Variants in GLMN observed in about 807,000 individuals in gnomAD.
GLMN encodes glomulin, FKBP associated protein.
In GLMN, 75 loss-of-function variants were observed where a neutral mutation model predicts 87.8. The observed-to-expected ratio is 0.85, with a 90% CI of 0.71 to 1.04. The LOEUF is 1.04. Ranked by LOEUF, GLMN falls within the 50% of genes least tolerant of loss-of-function variation. The probability of loss-of-function intolerance (pLI) is 0.00; values close to 1 mark genes in which losing one functional copy is unlikely to be tolerated. For synonymous variants in GLMN, 206 were observed against 221.6 expected (o/e 0.93, Z 0.63); for missense variants, 588 against 658.8 (o/e 0.89, Z 1.18).
chr1:92,306,506 T>C, the GLMN span, among the ~76,000 whole-genome samples: 1 of 152,200 alleles, frequency 6.6e-6, no homozygotes, highest in Non-Finnish European at 1.5e-5. Flanking sequence ...CAATGGAATG[T>C]AGTACACAGT....
At chr1:92,289,683 A>G (rs1050531395) in intron 5 of GLMN, among the ~76,000 whole-genome samples, 1 of 152,210 alleles carries the variant, frequency 6.6e-6, no homozygotes, top group African/African-American at 2.4e-5. Context: ...GCTAAGACCC[A>G]TTACCTACCA....
At chr1:92,315,900 C>T in the GLMN span, among the ~76,000 whole-genome samples, 23 of 152,126 alleles carry the variant, frequency 1.5e-4, no homozygotes, top group Non-Finnish European at 1.8e-4. Flanking sequence ...TGGGTCGTGA[C>T]GCACTGTGAT....
chr1:92,329,611 G>A, the GLMN span, among the ~76,000 whole-genome samples: 1 of 152,152 alleles, frequency 6.6e-6, no homozygotes, highest in Non-Finnish European at 1.5e-5. Context: ...GTTCATGATG[G>A]GAGTCTCCAC....
At chr1:92,319,257 A>C in the GLMN span, among the ~76,000 whole-genome samples, 2 of 152,194 alleles carry the variant, frequency 1.3e-5, no homozygotes, top group South Asian at 4.1e-4. Flanking sequence ...TTTAACACAT[A>C]TTGTCTTGAA....
At chr1:92,274,511 A>T (rs1268618648) in intron 7 of GLMN, among the ~76,000 whole-genome samples, 2 of 152,136 alleles carry the variant, frequency 1.3e-5, no homozygotes, top group African/African-American at 4.8e-5. Flanking sequence ...ACCTTCTCAT[A>T]ATCTTTTTCT....
In GLMN at chr1:92,289,033, A is replaced by G. The variant is rs552442311; in HGVS notation, c.513T>C (p.Tyr171=). The change falls in exon 6 of 19, where the codon TAT becomes TAC. Residue 171 remains tyrosine, a synonymous_variant. Transcript: ENST00000370360. ...YSKEQIQMDD[Y]GLCQCCKALI... ...AGGCCTTGCAACACTGACAAAGGCC[A>G]TAGTCATCCATTTGTATTTGTTCTT... 130 of 1,606,670 alleles carry G rather than the reference A, an allele frequency of 8.1e-5. 4 individuals are homozygous for G. The South Asian group carries it at 1.2e-3, about 14-fold the overall frequency.
chr1:92,253,186 A>C (rs1436432551), intron 16 of GLMN, among the ~76,000 whole-genome samples: 1 of 59,996 alleles, frequency 1.7e-5, no homozygotes, highest in African/African-American at 9.8e-5. Context: ...CTTAAATAGA[A>C]ATGGAAATTG....
chr1:92,264,880 C>T (rs1477683384), intron 13 of GLMN, among the ~76,000 whole-genome samples: 1 of 152,168 alleles, frequency 6.6e-6, no homozygotes, highest in Non-Finnish European at 1.5e-5. Context: ...CTCGCCCTGT[C>T]GCCCAGGCTG....
chr1:92,273,181 G>C (rs1486271717), intron 7 of GLMN, among the ~76,000 whole-genome samples: 1 of 152,148 alleles, frequency 6.6e-6, no homozygotes, highest in African/African-American at 2.4e-5. Context: ...CTTAAAATCT[G>C]CTGATCCCAG....
At chr1:92,288,048 T>TA (rs143908735) in intron 6 of GLMN, among the ~76,000 whole-genome samples, 3 of 151,074 alleles carry the variant, frequency 2.0e-5, no homozygotes, top group Non-Finnish European at 4.4e-5. Flanking sequence ...TTTTTTTTTT[T>TA]AAATAACAAG....
upstream of GLMN, among the ~76,000 whole-genome samples, chr1:92,299,561 G>C (rs1300121952): frequency 6.6e-6 from 1 of 152,178 alleles, no homozygotes; most frequent in African/African-American, 2.4e-5. Flanking sequence ...CCCCCAGAGA[G>C]GACGTTTGGC....
intron 8 of GLMN, among the ~76,000 whole-genome samples, chr1:92,270,742 TAGA>T (rs1465147716): frequency 1.3e-5 from 2 of 152,126 alleles, no homozygotes; most frequent in African/African-American, 4.8e-5. Context: ...GTAATTATAA[TAGA>T]AGGATTCAAC....
intron 16 of GLMN, among the ~76,000 whole-genome samples, chr1:92,257,982 C>T (rs1343646900): frequency 2.0e-5 from 3 of 152,038 alleles, no homozygotes; most frequent in Non-Finnish European, 1.5e-5. Flanking sequence ...AGGCAACCTA[C>T]AGAATGGGAG....
chr1:92,367,359 T>G, the GLMN span, among the ~76,000 whole-genome samples: 1 of 152,252 alleles, frequency 6.6e-6, no homozygotes, highest in African/African-American at 2.4e-5. Flanking sequence ...TGCGTTTGTT[T>G]GATTGTAAGC....
chr1:92,299,038 CG>C, upstream of GLMN: 1 of 1,319,148 alleles, frequency 7.6e-7, no homozygotes, highest in Non-Finnish European at 1.0e-6. Context: ...GGCGAGACGC[CG>C]GAGCGTGTCC....
At chr1:92,279,455 A>AC (rs1209489940) in intron 7 of GLMN, among the ~76,000 whole-genome samples, 7 of 102,948 alleles carry the variant, frequency 6.8e-5, no homozygotes, top group Non-Finnish European at 1.9e-5. Flanking sequence ...AGACTCTGTC[A>AC]CAAAAAAAAA....
chr1:92,251,546 A>G (rs944980896), intron 16 of GLMN, among the ~76,000 whole-genome samples: 151 of 152,124 alleles, frequency 9.9e-4, no homozygotes, highest in Non-Finnish European at 3.4e-4. Context: ...ACTTCTTAGA[A>G]CCCATAAATA....
the GLMN span, chr1:92,345,872 A>G: frequency 6.2e-7 from 1 of 1,604,694 alleles, no homozygotes; most frequent in Non-Finnish European, 8.5e-7. Context: ...ATTATACACA[A>G]ACCTGCGGAA....
chr1:92,260,757 T>C (rs1488439509), intron 16 of GLMN, among the ~76,000 whole-genome samples: 3 of 124,620 alleles, frequency 2.4e-5, no homozygotes, highest in African/African-American at 9.4e-5. Context: ...CACTGTCTCT[T>C]TGAGATGGAA....
Sources: gnomAD v4.1 joint callset for allele counts (sites outside exome capture counted in the v4.1 genomes callset) on GRCh38, gnomAD v4.1.1 for gene constraint, MANE v1.5 for transcripts, NCBI Gene and HGNC (gene_info 2026-07-23, HGNC 2026-07-21) for gene names.